The following GAB2 variants were observed in gnomAD, a reference collection of about 807,000 sequenced individuals.
GAB2 encodes GRB2 associated binding protein 2, also known as GRB2-associated-binding protein 2.
In GAB2, 26 loss-of-function variants were observed where a neutral mutation model predicts 65.5. The observed-to-expected ratio is 0.40, with a 90% CI of 0.29 to 0.55. GAB2 has a LOEUF of 0.55. Among genes scored for constraint, GAB2 ranks in the 20% least tolerant of loss-of-function variants. The pLI, the probability that GAB2 is intolerant of heterozygous loss-of-function variation, is 0.53. For synonymous variants in GAB2, 321 were observed against 329.6 expected, an observed-to-expected ratio of 0.97 and a Z score of 0.28; for missense variants, 884 against 875.8, an observed-to-expected ratio of 1.01 and a Z score of -0.12.
At chr11:78,285,322 C>T (rs1866449836) in intron 1 of GAB2, among the ~76,000 whole-genome samples, 1 of 152,176 alleles carries the variant, frequency 6.6e-6, no homozygotes, top group South Asian at 2.1e-4. Context: ...AATATCAGAG[C>T]CTGTCAGGTT....
intron 1 of GAB2, among the ~76,000 whole-genome samples, chr11:78,370,258 A>C (rs1432237588): frequency 3.8e-3 from 5 of 1,328 alleles, no homozygotes; most frequent in East Asian, 0.01. Context: ...CTCCGTCTCA[A>C]AAAAAAAAAA....
intron 2 of GAB2, among the ~76,000 whole-genome samples, chr11:78,269,261 T>C (rs979790461): frequency 6.6e-6 from 1 of 152,166 alleles, no homozygotes; most frequent in African/African-American, 2.4e-5. Context: ...GCTTTTGGCT[T>C]CCAACAAGGG....
chr11:78,346,975 G>A (rs1456925046), intron 1 of GAB2, among the ~76,000 whole-genome samples: 1 of 151,404 alleles, frequency 6.6e-6, no homozygotes, highest in African/African-American at 2.4e-5. Context: ...AGAAAGGGAG[G>A]GAAAGCAGAC....
chr11:78,394,770 C>T lies in GAB2; in HGVS notation c.75+22876G>A, dbSNP rs77825309. Among the ~76,000 whole-genome samples the T allele has an allele frequency of 3.9e-5, 6 of 152,180 alleles. No individual in the cohort carries two copies. In the East Asian group the frequency reaches 1.2e-3, roughly 29 times the overall value. On this transcript the variant is annotated intron_variant, in intron 1 of 9. Transcript: ENST00000361507. ...CCAGTTCCCCACCCAAAACGGCTGC[C>T]CAATAAGCAAGTGGACCAGGGCCAG...
rs530787853 is a variant in GAB2 at position 78,413,292 on chromosome 11, T to C, written c.75+4354A>G. Among the ~76,000 whole-genome samples the C allele has an allele frequency of 7.2e-5, 11 of 152,328 alleles. No individual in the cohort carries two copies. The East Asian group carries it at 1.9e-3, about 27-fold the overall frequency. On this transcript the variant is annotated intron_variant, in intron 1 of 9. Transcript: ENST00000361507. ...AAGGGGAGAAACCACACAGCCACTA[T>C]GACTATAAAGGAGCTTCAACCTTTA...
chr11:78,282,544 G>T (rs745972918), intron 1 of GAB2, among the ~76,000 whole-genome samples: 2 of 151,884 alleles, frequency 1.3e-5, no homozygotes, highest in Non-Finnish European at 2.9e-5. Context: ...CCTGACCTCA[G>T]GTGATCCACC....
intron 1 of GAB2, among the ~76,000 whole-genome samples, chr11:78,317,097 CAG>C (rs1307790661): frequency 1.3e-5 from 2 of 152,106 alleles, no homozygotes; most frequent in Non-Finnish European, 2.9e-5. Context: ...TAGCCAGATT[CAG>C]AGAGACAAAA....
intron 3 of GAB2, among the ~76,000 whole-genome samples, chr11:78,240,356 G>A (rs903746076): frequency 1.3e-4 from 20 of 151,740 alleles, no homozygotes; most frequent in African/African-American, 4.9e-4. Flanking sequence ...GAGAGGGGGT[G>A]CATTCCAAGG....
intron 1 of GAB2, among the ~76,000 whole-genome samples, chr11:78,404,573 G>A (rs1290194680): frequency 1.1e-4 from 17 of 152,194 alleles, no homozygotes; most frequent in Admixed American, 9.2e-4. Context: ...AATACTATTC[G>A]GCCATACAAA....
chr11:78,407,807 A>T lies in GAB2; in HGVS notation c.75+9839T>A, dbSNP rs55758833. ...GAAAGAAAAGAAAAGAAAGAAAAAG[A>T]GGGCATTTTACCTCCTGAGGGAAAG... is the stretch of plus-strand genomic sequence containing the variant. On this transcript the variant is annotated intron_variant, in intron 1 of 9. Coordinates refer to ENST00000361507, the MANE Select transcript of GAB2 (RefSeq NM_080491.3). 5.8e-3 allele frequency among the ~76,000 whole-genome samples: 878 copies of T among 152,186 alleles called. 6 individuals are homozygous for T. Among genetic ancestry groups the T allele is most frequent in the African/African-American group, 0.02 (824 of 41,534 alleles).
chr11:78,392,405 G>C (rs1856845679), intron 1 of GAB2: 1 of 152,094 alleles, frequency 6.6e-6, no homozygotes, highest in Admixed American at 6.5e-5. Flanking sequence ...CAGTTGTTAG[G>C]AACAATCAGT....
chr11:78,289,941 G>T (rs1866609972), intron 1 of GAB2, among the ~76,000 whole-genome samples: 1 of 151,392 alleles, frequency 6.6e-6, no homozygotes, highest in Non-Finnish European at 1.5e-5. Context: ...TGGAAAAGAG[G>T]GAGGAAAGGA....
At chr11:78,391,065 A>G (rs908306482) in intron 1 of GAB2, among the ~76,000 whole-genome samples, 2 of 152,214 alleles carry the variant, frequency 1.3e-5, no homozygotes, top group African/African-American at 4.8e-5. Flanking sequence ...ATCCTGAAAA[A>G]TAAATGTTAT....
At chr11:78,278,762 C>T (rs1445767808) in intron 2 of GAB2, among the ~76,000 whole-genome samples, 1 of 151,846 alleles carries the variant, frequency 6.6e-6, no homozygotes, top group Non-Finnish European at 1.5e-5. Context: ...GTTCTGTCAT[C>T]CAGGCTGGAG....
chr11:78,223,399 A>G lies in GAB2; in HGVS notation c.1567+13T>C. 4 of 1,507,214 alleles carry G rather than the reference A, an allele frequency of 2.7e-6. No homozygotes were observed. Among genetic ancestry groups the G allele is most frequent in the Non-Finnish European group, 3.6e-6 (4 of 1,126,166 alleles). The allele number at this position is 1,507,214 out of a possible 1,614,324, so 93.4% of individuals were successfully genotyped here. ...ACTGTCCAGAGATGGGACAGGGGAAAGAATGGACTTACCTTTCCGATCAGG... is the reference window on the plus strand; with the variant it reads ...ACTGTCCAGAGATGGGACAGGGGAAGGAATGGACTTACCTTTCCGATCAGG... On this transcript the variant is annotated intron_variant, in intron 6 of 9. Coordinates refer to ENST00000361507, the MANE Select transcript of GAB2 (RefSeq NM_080491.3).
intron 2 of GAB2, among the ~76,000 whole-genome samples, chr11:78,257,931 G>C (rs1893449): frequency 0.16 from 24,410 of 151,932 alleles, 2,429 homozygotes; most frequent in East Asian, 0.4. Flanking sequence ...AGTCTCCAAA[G>C]CCAATTCTTT....
intron 2 of GAB2, among the ~76,000 whole-genome samples, chr11:78,258,039 T>C (rs1865639330): frequency 5.3e-5 from 8 of 152,172 alleles, no homozygotes; most frequent in Admixed American, 5.2e-4. Context: ...CAGGCCTAGC[T>C]CTACCGCCTA....
At chr11:78,402,016 T>C (rs1234248437) in intron 1 of GAB2, among the ~76,000 whole-genome samples, 1 of 152,234 alleles carries the variant, frequency 6.6e-6, no homozygotes, top group African/African-American at 2.4e-5. Context: ...CCTAGGATGG[T>C]CTACAAACAA....
intron 3 of GAB2, among the ~76,000 whole-genome samples, chr11:78,227,809 C>G (rs748819964): frequency 3.8e-4 from 57 of 151,996 alleles, no homozygotes; most frequent in Admixed American, 2.9e-3. Context: ...CAAAAAAACA[C>G]ACGCCCCAAC....
Sources: allele counts gnomAD v4.1 joint callset (sites outside exome capture counted in the v4.1 genomes callset), GRCh38; gene constraint gnomAD v4.1.1; transcripts MANE v1.5; gene names NCBI Gene and HGNC (gene_info 2026-07-23, HGNC 2026-07-21).